The following VAV3 variants were observed in gnomAD, a reference collection of about 807,000 sequenced individuals.
VAV3 encodes guanine nucleotide exchange factor VAV3.
A neutral mutation model predicts 131.2 loss-of-function variants in VAV3; 94 were observed. The observed-to-expected ratio is 0.72, with a 90% CI of 0.61 to 0.85. The LOEUF is 0.85. Ranked by LOEUF, VAV3 falls within the 40% of genes least tolerant of loss-of-function variation. The probability of loss-of-function intolerance (pLI) is 0.00; values close to 1 mark genes in which losing one functional copy is unlikely to be tolerated. For synonymous variants in VAV3, 349 were observed against 342.0 expected, an observed-to-expected ratio of 1.02 and a Z score of -0.22; for missense variants, 939 against 1,002.7, an observed-to-expected ratio of 0.94 and a Z score of 0.86.
chr1:107,664,448 T>C (rs1284834368), intron 19 of VAV3, among the ~76,000 whole-genome samples: 2 of 152,122 alleles, frequency 1.3e-5, no homozygotes, highest in African/African-American at 2.4e-5. Flanking sequence ...AGAACTACAG[T>C]GCTTGAACAA....
chr1:107,810,997 C>T (rs1002343561), intron 2 of VAV3, among the ~76,000 whole-genome samples: 11 of 152,182 alleles, frequency 7.2e-5, no homozygotes, highest in South Asian at 4.2e-4. Context: ...ACTCTCAAAA[C>T]GGTCTTTACA....
chr1:107,720,523 A>C (rs1255283870), intron 15 of VAV3, among the ~76,000 whole-genome samples: 1 of 150,656 alleles, frequency 6.6e-6, no homozygotes, highest in Non-Finnish European at 1.5e-5. Flanking sequence ...TACTAAAAAT[A>C]CAAAATTAGC....
chr1:107,827,639 G>C (rs1668072630), intron 2 of VAV3, among the ~76,000 whole-genome samples: 1 of 152,150 alleles, frequency 6.6e-6, no homozygotes. Flanking sequence ...TAATGTTCCA[G>C]AAAGCTATTA....
chr1:107,598,955 G>C (rs2101085478), intron 24 of VAV3, among the ~76,000 whole-genome samples: 1 of 152,206 alleles, frequency 6.6e-6, no homozygotes, highest in South Asian at 2.1e-4. Context: ...CCATAGCTTT[G>C]AACTTCAACG....
At chr1:107,698,316 C>T (rs761857743) in intron 17 of VAV3, among the ~76,000 whole-genome samples, 19 of 152,184 alleles carry the variant, frequency 1.2e-4, no homozygotes, top group Non-Finnish European at 2.1e-4. Flanking sequence ...GAGACTCACT[C>T]ATGATGCTGG....
Position 107,964,974 on chromosome 1 carries a change from C to CCCGA in VAV3, c.-106_-105insTCGG. The stretch of plus-strand genomic sequence containing the variant: ...GCGCCCCGCCGACGCCAACAGCCGC[C>CCCGA]GGCCCTTTCCCCGCGCGGGATCGAG... On this transcript the variant is annotated 5_prime_UTR_variant, in exon 1 of 27. Coordinates refer to ENST00000370056, the MANE Select transcript of VAV3 (RefSeq NM_006113.5). 1.0e-6 allele frequency: 1 copy of CCCGA among 995,488 alleles called. No individual in the cohort carries two copies. The highest frequency in any genetic ancestry group is 1.3e-6 in the Non-Finnish European group (1 of 789,060). The allele number at this position is 995,488 out of a possible 1,614,324, so 61.7% of individuals were successfully genotyped here. A position where few individuals can be genotyped will look rare whatever the true frequency, so the allele number is the denominator to read the frequency against.
intron 2 of VAV3, among the ~76,000 whole-genome samples, chr1:107,828,760 C>A (rs1009250379): frequency 6.6e-6 from 1 of 152,148 alleles, no homozygotes; most frequent in Non-Finnish European, 1.5e-5. Context: ...ATAATCTACT[C>A]ATCTCAAGGT....
At chr1:107,822,380 C>T (rs553579713) in intron 2 of VAV3, among the ~76,000 whole-genome samples, 4 of 152,078 alleles carry the variant, frequency 2.6e-5, no homozygotes, top group East Asian at 3.9e-4. Flanking sequence ...ATGGGCTGGG[C>T]GCGGTGGCTC....
At chr1:107,756,803 T>A (rs929592451) in intron 11 of VAV3, among the ~76,000 whole-genome samples, 4 of 152,010 alleles carry the variant, frequency 2.6e-5, no homozygotes, top group Admixed American at 6.6e-5. Flanking sequence ...CTAGCAGATA[T>A]CCTCATATGA....
In VAV3 at chr1:107,650,709, C is replaced by A. The variant is rs917166209; in HGVS notation, c.1778-7954G>T. Among the ~76,000 whole-genome samples the A allele has an allele frequency of 8.5e-5, 10 of 118,116 alleles. No homozygotes were observed. The South Asian group carries it at 1.4e-3, about 17-fold the overall frequency. The allele number at this position is 118,116 out of a possible 152,430, so 77.5% of individuals were successfully genotyped here. Reference sequence around the variant, plus strand: ...TATCTTCTAATGCTATCCCTCCCCCCCCTCCCCCCACCCCACAACAGTCCC... The same window carrying A: ...TATCTTCTAATGCTATCCCTCCCCCACCTCCCCCCACCCCACAACAGTCCC... On this transcript the variant is annotated intron_variant, in intron 19 of 26. Coordinates refer to ENST00000370056, the MANE Select transcript of VAV3 (RefSeq NM_006113.5).
chr1:107,821,751 T>G (rs1033134243), intron 2 of VAV3, among the ~76,000 whole-genome samples: 3 of 152,204 alleles, frequency 2.0e-5, no homozygotes, highest in African/African-American at 7.2e-5. Context: ...GGAAATAGAT[T>G]GCAGGAAGGC....
At chr1:107,834,378 C>T (rs918556660) in intron 2 of VAV3, among the ~76,000 whole-genome samples, 8 of 152,064 alleles carry the variant, frequency 5.3e-5, no homozygotes, top group Non-Finnish European at 2.9e-5. Flanking sequence ...CCATGCAGTG[C>T]TCTAAGGCAG....
At chr1:107,702,734 C>T (rs1188248693) in intron 17 of VAV3, among the ~76,000 whole-genome samples, 9 of 151,894 alleles carry the variant, frequency 5.9e-5, no homozygotes. Flanking sequence ...CCTTAACGTT[C>T]CCATCCACGT....
At chr1:107,587,220 C>T (rs1289841146) in intron 25 of VAV3, among the ~76,000 whole-genome samples, 2 of 152,122 alleles carry the variant, frequency 1.3e-5, no homozygotes, top group Non-Finnish European at 2.9e-5. Flanking sequence ...GAAAGTATAA[C>T]TTAATGAAAG....
intron 25 of VAV3, among the ~76,000 whole-genome samples, chr1:107,575,459 G>A (rs895277191): frequency 2.0e-5 from 3 of 152,010 alleles, no homozygotes; most frequent in African/African-American, 4.8e-5. Flanking sequence ...TAGACTCCAG[G>A]TGTCCATCAC....
At chr1:107,639,692 C>T (rs1655190995) in intron 20 of VAV3, among the ~76,000 whole-genome samples, 1 of 152,064 alleles carries the variant, frequency 6.6e-6, no homozygotes, top group Non-Finnish European at 1.5e-5. Context: ...GCTTGTAATC[C>T]TAGCTACTTG....
At chr1:107,934,856 A>G (rs1673630280) in intron 1 of VAV3, among the ~76,000 whole-genome samples, 1 of 152,266 alleles carries the variant, frequency 6.6e-6, no homozygotes, top group South Asian at 2.1e-4. Context: ...AACAAAATAT[A>G]GCGGCACAGC....
At chr1:107,774,700 T>A (rs1225803849) in intron 4 of VAV3, among the ~76,000 whole-genome samples, 1 of 152,132 alleles carries the variant, frequency 6.6e-6, no homozygotes, top group Non-Finnish European at 1.5e-5. Flanking sequence ...CTCCACTCCA[T>A]CCTGTGGCTT....
chr1:107,666,740 G>GTA (rs1257277373), intron 19 of VAV3, among the ~76,000 whole-genome samples: 3 of 151,694 alleles, frequency 2.0e-5, no homozygotes, highest in Non-Finnish European at 4.4e-5. Context: ...CAGCTAATTT[G>GTA]TATATATATA....
Sources: allele counts gnomAD v4.1 joint callset (sites outside exome capture counted in the v4.1 genomes callset), GRCh38; gene constraint gnomAD v4.1.1; transcripts MANE v1.5; gene names NCBI Gene and HGNC (gene_info 2026-07-23, HGNC 2026-07-21).